The following LRP1B variants were observed in gnomAD, a reference collection of about 807,000 sequenced individuals.
The protein encoded by LRP1B is LDL receptor related protein 1B.
Under a neutral mutation model 556.6 loss-of-function variants are expected in LRP1B, and 217 were observed. The ratio of observed to expected loss-of-function variants is 0.39; its 90% CI spans 0.35 to 0.44. The LOEUF is 0.44. Among genes scored for constraint, LRP1B ranks in the 20% least tolerant of loss-of-function variants. LRP1B has a pLI of 1.00. For missense variants in LRP1B, 5,053 were observed against 5,620.8 expected (o/e 0.90, Z 3.23); for synonymous variants, 2,047 against 1,865.8 (o/e 1.10, Z -2.50).
chr2:141,043,044 A>G (rs1226455168), intron 11 of LRP1B, among the ~76,000 whole-genome samples: 1 of 149,372 alleles, frequency 6.7e-6, no homozygotes. Flanking sequence ...ATACAAAAAA[A>G]AAAAAAAAAT....
intron 49 of LRP1B, among the ~76,000 whole-genome samples, chr2:140,518,606 C>T (rs549364357): frequency 1.7e-4 from 26 of 152,256 alleles, no homozygotes; most frequent in South Asian, 1.5e-3. Context: ...GCACCAGTTT[C>T]GTAGAGCAGT....
intron 82 of LRP1B, among the ~76,000 whole-genome samples, chr2:140,315,886 A>T (rs907196087): frequency 6.6e-6 from 1 of 152,164 alleles, no homozygotes. Context: ...CCAAACTAAA[A>T]GTCATTGAGA....
intron 3 of LRP1B, among the ~76,000 whole-genome samples, chr2:141,400,567 C>T (rs1364392599): frequency 6.6e-6 from 1 of 152,184 alleles, no homozygotes; most frequent in Non-Finnish European, 1.5e-5. Context: ...ATACACCTAA[C>T]ATTTGAGTCA....
intron 23 of LRP1B, among the ~76,000 whole-genome samples, chr2:140,887,993 A>G (rs1693689948): frequency 6.6e-6 from 1 of 152,186 alleles, no homozygotes; most frequent in Non-Finnish European, 1.5e-5. Flanking sequence ...TGAATTGTGC[A>G]CTTTAAAAGA....
chr2:141,722,473 A>T (rs2105501008), intron 2 of LRP1B, among the ~76,000 whole-genome samples: 1 of 152,276 alleles, frequency 6.6e-6, no homozygotes, highest in East Asian at 1.9e-4. Context: ...ACATTAGTAC[A>T]ACTAATTTAC....
intron 7 of LRP1B, among the ~76,000 whole-genome samples, chr2:141,139,339 A>T (rs936772334): frequency 7.9e-5 from 12 of 151,368 alleles, no homozygotes; most frequent in African/African-American, 2.9e-4. Context: ...CACAGTCTAT[A>T]AAAAAAATGA....
intron 1 of LRP1B, among the ~76,000 whole-genome samples, chr2:142,091,510 T>C (rs896169132): frequency 6.6e-6 from 1 of 152,174 alleles, no homozygotes; most frequent in Non-Finnish European, 1.5e-5. Flanking sequence ...TCAGGTATTA[T>C]GGAAAGAACA....
At position 141,835,698 on chromosome 2, in the gene LRP1B, C is replaced by A. The variant is rs374010744; in HGVS notation, c.83-25297G>T. On this transcript the variant is annotated intron_variant, in intron 1 of 90. Coordinates refer to ENST00000389484, the MANE Select transcript of LRP1B (RefSeq NM_018557.3). The stretch of plus-strand genomic sequence containing the variant: ...CTTTTGCAGTCATATTTTACAGAAG[C>A]TTATTTTTTAAAACAAATTTAGGAC... 1.6e-4 allele frequency among the ~76,000 whole-genome samples: 25 copies of A among 151,818 alleles called. No homozygotes were observed. In the East Asian group the frequency reaches 1.7e-3, roughly 11 times the overall value.
intron 2 of LRP1B, among the ~76,000 whole-genome samples, chr2:141,758,159 C>G (rs1233231578): frequency 6.6e-6 from 1 of 152,044 alleles, no homozygotes. Context: ...CAGAGAGGAG[C>G]AAAATTTATC....
chr2:141,892,040 G>A (rs566291287), intron 1 of LRP1B, among the ~76,000 whole-genome samples: 46 of 151,638 alleles, frequency 3.0e-4, no homozygotes, highest in Non-Finnish European at 5.3e-4. Flanking sequence ...CATCAGTCTC[G>A]GAAAGGTATG....
chr2:141,284,139 C>T (rs1308499724), intron 3 of LRP1B, among the ~76,000 whole-genome samples: 1 of 152,046 alleles, frequency 6.6e-6, no homozygotes, highest in East Asian at 1.9e-4. Context: ...TCAATTTCCA[C>T]ATTTGTATGA....
intron 1 of LRP1B, among the ~76,000 whole-genome samples, chr2:142,074,188 A>T (rs994246848): frequency 1.3e-5 from 2 of 151,888 alleles, no homozygotes; most frequent in Non-Finnish European, 2.9e-5. Flanking sequence ...TTGCCCTACC[A>T]ATTCGCTGAA....
At chr2:140,291,324 A>C (rs868272703) in intron 84 of LRP1B, among the ~76,000 whole-genome samples, 1 of 91,698 alleles carries the variant, frequency 1.1e-5, no homozygotes, top group African/African-American at 4.6e-5. Context: ...ATATATTTTT[A>C]TTATACTTTA....
At chr2:141,496,729 G>A (rs1260310960) in intron 2 of LRP1B, among the ~76,000 whole-genome samples, 1 of 151,742 alleles carries the variant, frequency 6.6e-6, no homozygotes, top group East Asian at 1.9e-4. Flanking sequence ...ACACTACATA[G>A]GAATTTGCTT....
intron 11 of LRP1B, among the ~76,000 whole-genome samples, chr2:141,033,552 A>C (rs999874310): frequency 7.2e-5 from 11 of 151,890 alleles, no homozygotes; most frequent in African/African-American, 2.2e-4. Flanking sequence ...AAAAAAAAAA[A>C]ATCATATGTT....
chr2:141,465,979 C>A (rs1682179598), intron 3 of LRP1B, among the ~76,000 whole-genome samples: 1 of 152,068 alleles, frequency 6.6e-6, no homozygotes, highest in Admixed American at 6.5e-5. Context: ...ACCTCTGTCC[C>A]CCAGGTTCAA....
chr2:140,872,802 T>C (rs1693180673), intron 25 of LRP1B, among the ~76,000 whole-genome samples: 1 of 151,886 alleles, frequency 6.6e-6, no homozygotes, highest in Admixed American at 6.6e-5. Context: ...AGCTGACAAC[T>C]GCCTAGGGTT....
chr2:140,476,889 A>G (rs1324223194), intron 59 of LRP1B, among the ~76,000 whole-genome samples: 2 of 152,048 alleles, frequency 1.3e-5, no homozygotes, highest in Non-Finnish European at 1.5e-5. Context: ...GTGTTTTTGT[A>G]TATACATATT....
chr2:140,780,663 A>G lies in LRP1B; in HGVS notation c.5360-4425T>C, dbSNP rs183898904. ...GGGGGTAGATGATTCTCCAAGATGT[A>G]TCTCTCTGCAAATCCTCACATTTCA... On this transcript the variant is annotated intron_variant, in intron 32 of 90. Coordinates refer to ENST00000389484, the MANE Select transcript of LRP1B (RefSeq NM_018557.3). Among the ~76,000 whole-genome samples the G allele has an allele frequency of 1.3e-3, 202 of 152,294 alleles. 2 individuals carry two copies. The highest frequency in any genetic ancestry group is 1.4e-3 in the Admixed American group (21 of 15,304).
Sources: gnomAD v4.1 joint callset for allele counts (sites outside exome capture counted in the v4.1 genomes callset) on GRCh38, gnomAD v4.1.1 for gene constraint, MANE v1.5 for transcripts, NCBI Gene and HGNC (gene_info 2026-07-23, HGNC 2026-07-21) for gene names.